Variants in RFX2 observed in about 807,000 individuals in gnomAD.
The protein encoded by RFX2 is DNA-binding protein RFX2.
A neutral mutation model predicts 87.8 loss-of-function variants in RFX2; 20 were observed. That is an observed-to-expected ratio of 0.23 (90% CI 0.16 to 0.33). The LOEUF (loss-of-function observed/expected upper bound fraction) is 0.33, where lower values mean the gene tolerates loss of function less well. RFX2 is among the 10% of genes least tolerant of loss of function. RFX2 has a pLI of 1.00. For synonymous variants in RFX2, 397 were observed against 431.3 expected, an observed-to-expected ratio of 0.92 and a Z score of 0.98; for missense variants, 767 against 1,012.3, an observed-to-expected ratio of 0.76 and a Z score of 3.29.
chr19:6,100,705 A>T (rs1286808922), intron 1 of RFX2, among the ~76,000 whole-genome samples: 3 of 152,102 alleles, frequency 2.0e-5, no homozygotes, highest in Non-Finnish European at 4.4e-5. Context: ...TACTGACTCC[A>T]CCATCCGGCA....
intron 6 of RFX2, among the ~76,000 whole-genome samples, chr19:6,025,230 A>G (rs1568512836): frequency 6.6e-6 from 1 of 152,176 alleles, no homozygotes; most frequent in Non-Finnish European, 1.5e-5. Context: ...CTGGAAATAA[A>G]GACGGAGCCT....
At chr19:6,037,289 G>GAAAA (rs57278741) in intron 5 of RFX2, among the ~76,000 whole-genome samples, 1 of 102,416 alleles carries the variant, frequency 9.8e-6, no homozygotes. Context: ...GTCTCAAAAA[G>GAAAA]AAAAAAAAAA....
intron 9 of RFX2, 128 bp from the exon 10 acceptor site, chr19:6,008,352 G>T (rs2144689813): frequency 2.1e-5 from 10 of 469,764 alleles, no homozygotes; most frequent in South Asian, 1.2e-4. Context: ...CAGGGAATTT[G>T]TTTTTTCTTT....
At chr19:6,103,639 AG>A (rs2088162554) in intron 1 of RFX2, among the ~76,000 whole-genome samples, 1 of 152,190 alleles carries the variant, frequency 6.6e-6, no homozygotes, top group Non-Finnish European at 1.5e-5. Flanking sequence ...GTCATTTCAG[AG>A]GGACCCATGC....
chr19:5,997,005 C>T lies in RFX2; in HGVS notation c.2013+55G>A. The T allele has an allele frequency of 1.3e-6, 2 of 1,555,816 alleles. No homozygotes were observed. Among genetic ancestry groups the T allele is most frequent in the African/African-American group, 1.3e-5 (1 of 74,348 alleles). The stretch of plus-strand genomic sequence containing the variant: ...CTCTGGGCTGCTCAGAGCACACCGC[C>T]CTCTCCCCACAGGCCCGGCCAAGCC... On this transcript the variant is annotated intron_variant, in intron 16 of 17. Transcript: ENST00000303657. This position sits in a 1 kb window ranked among gnomAD's most constrained non-coding sequence, Gnocchi z 4.2.
At chr19:6,067,775 T>C (rs1215292559) in intron 1 of RFX2, among the ~76,000 whole-genome samples, 1 of 152,178 alleles carries the variant, frequency 6.6e-6, no homozygotes, top group African/African-American at 2.4e-5. Flanking sequence ...ATGAGCAACA[T>C]GTAGCTGCAG....
Position 6,061,114 on chromosome 19 carries a change from T to C in RFX2, c.-8-13610A>G, listed in dbSNP as rs2087423139. ...GACTCAGCCTGCTGTCTCCACCTGA[T>C]ACCATCTCTGCCTCCCCCTTCCTTC... On this transcript the variant is annotated intron_variant, in intron 1 of 17. Coordinates refer to ENST00000303657, the MANE Select transcript of RFX2 (RefSeq NM_000635.4). This position sits in a 1 kb window ranked among gnomAD's most constrained non-coding sequence, Gnocchi z 5.2. Among the ~76,000 whole-genome samples the C allele has an allele frequency of 6.6e-6, 1 of 152,138 alleles. No individual in the cohort carries two copies. Among genetic ancestry groups the C allele is most frequent in the South Asian group, 2.1e-4 (1 of 4,828 alleles).
chr19:6,038,762 C>G (rs1052049045), intron 5 of RFX2, among the ~76,000 whole-genome samples: 58 of 152,290 alleles, frequency 3.8e-4, no homozygotes, highest in African/African-American at 1.4e-3. Flanking sequence ...AAGTTGCAAC[C>G]ACAATGAGGT....
intron 12 of RFX2, among the ~76,000 whole-genome samples, chr19:6,006,782 A>C (rs1599844278): frequency 7.3e-6 from 1 of 137,290 alleles, no homozygotes; most frequent in East Asian, 2.3e-4. Flanking sequence ...TTTTAGAGAC[A>C]GGGTCTCACT....
At position 6,058,985 on chromosome 19, in the gene RFX2, C is replaced by CT. The variant is rs879452295; in HGVS notation, c.-8-11482dup. On this transcript the variant is annotated intron_variant, in intron 1 of 17. Coordinates refer to ENST00000303657, the MANE Select transcript of RFX2 (RefSeq NM_000635.4). ...CGTTCCTTCCCCTTTAGAAACCTGA[C>CT]TTTTTTTTTTTTCAGACAGAGTCTT... Among the ~76,000 whole-genome samples the CT allele has an allele frequency of 7.6e-3, 1,120 of 146,748 alleles. 10 individuals carry two copies. Among genetic ancestry groups the CT allele is most frequent in the African/African-American group, 0.025 (997 of 40,198 alleles).
intron 1 of RFX2, among the ~76,000 whole-genome samples, chr19:6,065,299 A>C (rs2087493275): frequency 6.6e-6 from 1 of 152,192 alleles, no homozygotes; most frequent in African/African-American, 2.4e-5. Flanking sequence ...ACTCGCAGCC[A>C]TTGGATCCTA....
chr19:6,006,274 C>T lies in RFX2; in HGVS notation c.1402+738G>A, dbSNP rs547220397. On this transcript the variant is annotated intron_variant, in intron 12 of 17. Coordinates refer to ENST00000303657, the MANE Select transcript of RFX2 (RefSeq NM_000635.4). ...CTCTTGGGCTCAGGTGATCCTCCTG[C>T]CTCAGCCTCCTGGGTCGCTGGACTG... is the stretch of plus-strand genomic sequence containing the variant. Among the ~76,000 whole-genome samples the T allele has an allele frequency of 1.8e-4, 27 of 152,200 alleles. No individual in the cohort carries two copies. The South Asian group carries it at 5.2e-3, about 29-fold the overall frequency.
intron 1 of RFX2, among the ~76,000 whole-genome samples, chr19:6,079,340 C>G (rs1436722675): frequency 6.6e-6 from 1 of 152,192 alleles, no homozygotes; most frequent in Non-Finnish European, 1.5e-5. Context: ...AAGGACTGTG[C>G]TCCAGCAATA....
At position 6,044,127 on chromosome 19, in the gene RFX2, A is replaced by T; in HGVS notation, c.180+66T>A. On this transcript the variant is annotated intron_variant, in intron 3 of 17. Transcript: ENST00000303657. This position sits in a 1 kb window ranked among gnomAD's most constrained non-coding sequence, Gnocchi z 5.3. ...ACAGAAAAGGATGCATCCTTCAGAGATTGTTCTGGATTGCTGAGTGCTAAC... is the reference window on the plus strand; with the variant it reads ...ACAGAAAAGGATGCATCCTTCAGAGTTTGTTCTGGATTGCTGAGTGCTAAC... 1.1e-6 allele frequency: 1 copy of T among 876,158 alleles called. No homozygotes were observed. Among genetic ancestry groups the T allele is most frequent in the Middle Eastern group, 2.7e-4 (1 of 3,716 alleles). 54.3% of individuals were successfully genotyped at this position (876,158 alleles called of 1,614,324 possible). A position where few individuals can be genotyped will look rare whatever the true frequency, so the allele number is the denominator to read the frequency against.
At position 5,998,078 on chromosome 19, in the gene RFX2, C is replaced by T. The variant is rs1418752001; in HGVS notation, c.1860-865G>A. Among the ~76,000 whole-genome samples, 3 of 152,074 alleles carry T rather than the reference C, an allele frequency of 2.0e-5. No individual in the cohort carries two copies. Among genetic ancestry groups the T allele is most frequent in the Non-Finnish European group, 4.4e-5 (3 of 68,000 alleles). ...ATCCCAGCACTTTGGGAGGCCAGGG[C>T]GGGCAGATCACTTGGGGTCAGGAGT... On this transcript the variant is annotated intron_variant, in intron 15 of 17. Transcript: ENST00000303657. This position sits in a 1 kb window ranked among gnomAD's most constrained non-coding sequence, Gnocchi z 4.2.
At position 6,042,027 on chromosome 19, in the gene RFX2, G is replaced by A. The variant is rs1379328739; in HGVS notation, c.260+17C>T. 1.6e-5 allele frequency: 26 copies of A among 1,610,250 alleles called. No individual in the cohort carries two copies. Among genetic ancestry groups the A allele is most frequent in the African/African-American group, 2.7e-5 (2 of 74,856 alleles). ...AGGGAGAGGGTTCCGGGTGTGGCCC[G>A]CGGGAGAAGCACGCACATGGCTCCA... On this transcript the variant is annotated intron_variant, in intron 4 of 17. Coordinates refer to ENST00000303657, the MANE Select transcript of RFX2 (RefSeq NM_000635.4).
At position 6,063,859 on chromosome 19, in the gene RFX2, A is replaced by T. The variant is rs1354305500; in HGVS notation, c.-8-16355T>A. On this transcript the variant is annotated intron_variant, in intron 1 of 17. Transcript: ENST00000303657. This position sits in a 1 kb window ranked among gnomAD's most constrained non-coding sequence, Gnocchi z 4.0. The stretch of plus-strand genomic sequence containing the variant: ...GTCTGACAGCCACAAATGTCTCCAG[A>T]CATCGCCCAGTGTCCCCTGGGGGCA... 1.3e-5 allele frequency among the ~76,000 whole-genome samples: 2 copies of T among 152,150 alleles called. No homozygotes were observed. The highest frequency in any genetic ancestry group is 3.9e-4 in the East Asian group (2 of 5,184).
At chr19:6,042,762 C>T (rs2087129377) in intron 3 of RFX2, among the ~76,000 whole-genome samples, 1 of 152,338 alleles carries the variant, frequency 6.6e-6, no homozygotes, top group East Asian at 1.9e-4. Context: ...CCCTGCCCTC[C>T]CCTCTCTGAA....
At chr19:6,099,119 A>G (rs1167121891) in intron 1 of RFX2, among the ~76,000 whole-genome samples, 2 of 152,204 alleles carry the variant, frequency 1.3e-5, no homozygotes, top group African/African-American at 2.4e-5. Flanking sequence ...TAGACATAAC[A>G]GCTCTATATT....
Sources: allele counts gnomAD v4.1 joint callset (sites outside exome capture counted in the v4.1 genomes callset), GRCh38; gene constraint gnomAD v4.1.1; non-coding constraint Gnocchi (gnomAD v3.1); transcripts MANE v1.5; gene names NCBI Gene and HGNC (gene_info 2026-07-23, HGNC 2026-07-21).